PCDHA1: variants seen among roughly 807,000 people sequenced by gnomAD.
The protein encoded by PCDHA1 is protocadherin alpha-1.
In PCDHA1, 42 loss-of-function variants were observed where a neutral mutation model predicts 61.3. That is an observed-to-expected ratio of 0.69 (90% confidence interval 0.54 to 0.89). The LOEUF (loss-of-function observed/expected upper bound fraction) is 0.89. Among genes scored for constraint, PCDHA1 ranks in the 40% least tolerant of loss-of-function variants. The pLI is 0.00. For missense variants in PCDHA1, 1,256 were observed against 1,235.3 expected (o/e 1.02, Z -0.25); for synonymous variants, 610 against 553.8 (o/e 1.10, Z -1.43).
At chr5:140,851,909 A>G in intron 1 of PCDHA1, 1 of 970,994 alleles carries the variant, frequency 1.0e-6, no homozygotes, top group Non-Finnish European at 1.2e-6. Context: ...CTTTAATGTC[A>G]CTACATGTTA....
intron 1 of PCDHA1, chr5:140,801,795 T>A: frequency 1.2e-6 from 2 of 1,613,922 alleles, no homozygotes; most frequent in Non-Finnish European, 1.7e-6. Context: ...GAAAAAAAAT[T>A]TAAATCGAGA....
intron 3 of PCDHA1, among the ~76,000 whole-genome samples, chr5:140,984,282 C>T (rs543279467): frequency 6.6e-6 from 1 of 152,296 alleles, no homozygotes; most frequent in Admixed American, 6.5e-5. Flanking sequence ...ATACATTCTC[C>T]CTCCCATTGG....
chr5:140,957,968 T>C (rs1276763203), intron 1 of PCDHA1, among the ~76,000 whole-genome samples: 1 of 152,154 alleles, frequency 6.6e-6, no homozygotes, highest in Non-Finnish European at 1.5e-5. Flanking sequence ...TCAGAGATGC[T>C]GTATAAATAG....
intron 1 of PCDHA1, chr5:140,881,384 G>T (rs1299609025): frequency 2.0e-6 from 2 of 984,186 alleles, no homozygotes; most frequent in Non-Finnish European, 2.4e-6. Flanking sequence ...GCCGGCGGCG[G>T]TAAGTTAAAT....
intron 3 of PCDHA1, among the ~76,000 whole-genome samples, chr5:140,989,687 G>A (rs956131200): frequency 2.0e-4 from 31 of 152,176 alleles, no homozygotes; most frequent in African/African-American, 6.3e-4. Flanking sequence ...TCAAAGGAAC[G>A]TGAAAATTTT....
At chr5:140,987,893 G>A (rs571929057) in intron 3 of PCDHA1, among the ~76,000 whole-genome samples, 82 of 152,138 alleles carry the variant, frequency 5.4e-4, no homozygotes, top group Admixed American at 1.5e-3. Context: ...ATGTGCCCTA[G>A]TTTTATATGG....
At chr5:140,793,194 AT>A (rs1761755469) in intron 1 of PCDHA1, among the ~76,000 whole-genome samples, 1 of 152,230 alleles carries the variant, frequency 6.6e-6, no homozygotes, top group Admixed American at 6.5e-5. Context: ...TTGCCAGCAG[AT>A]GGGAAAAGTC....
intron 1 of PCDHA1, among the ~76,000 whole-genome samples, chr5:140,897,323 T>TCCCTCCC (rs2065998893): frequency 1.7e-5 from 2 of 114,654 alleles, no homozygotes; most frequent in South Asian, 6.8e-4. Flanking sequence ...CCTAAAGCTA[T>TCCCTCCC]CCCTCCCCCC....
At chr5:140,881,244 C>T (rs1219638908) in intron 1 of PCDHA1, 9 of 397,012 alleles carry the variant, frequency 2.3e-5, no homozygotes, top group Non-Finnish European at 3.1e-5. Context: ...ATTTAAATGA[C>T]GGCAAGGTTT....
intron 1 of PCDHA1, among the ~76,000 whole-genome samples, chr5:140,897,068 T>A (rs2153455202): frequency 6.6e-6 from 1 of 152,252 alleles, no homozygotes; most frequent in East Asian, 1.9e-4. Context: ...CTATGTCTTA[T>A]TCATTTTTTC....
chr5:140,871,492 C>G (rs782396000), intron 1 of PCDHA1: 1 of 1,589,508 alleles, frequency 6.3e-7, no homozygotes, highest in Admixed American at 1.8e-5. Context: ...TCACCCCGGA[C>G]AGGTGAGTTT....
At chr5:140,796,955 C>G (rs1554120220) in intron 1 of PCDHA1, 1 of 1,613,830 alleles carries the variant, frequency 6.2e-7, no homozygotes, top group Non-Finnish European at 8.5e-7. Flanking sequence ...GCCACGGCCA[C>G]CGTGTTAGTG....
At chr5:140,853,465 C>A in intron 1 of PCDHA1, 2 of 970,762 alleles carry the variant, frequency 2.1e-6, no homozygotes, top group Non-Finnish European at 2.5e-6. Context: ...TTATATGCAT[C>A]TGTAGTTAAC....
At chr5:140,945,440 T>C (rs932464631) in intron 1 of PCDHA1, among the ~76,000 whole-genome samples, 1 of 151,948 alleles carries the variant, frequency 6.6e-6, no homozygotes, top group African/African-American at 2.4e-5. Context: ...TACAGAAATA[T>C]AAAAAACTTC....
At chr5:140,990,176 T>G (rs1294066255) in intron 3 of PCDHA1, among the ~76,000 whole-genome samples, 1 of 152,142 alleles carries the variant, frequency 6.6e-6, no homozygotes, top group Non-Finnish European at 1.5e-5. Context: ...AAAAGGTGAC[T>G]TTTAAGAACC....
chr5:140,882,319 G>T, intron 1 of PCDHA1: 3 of 1,614,136 alleles, frequency 1.9e-6, no homozygotes, highest in Non-Finnish European at 2.5e-6. Flanking sequence ...TACTGCTCTG[G>T]CTTCTGATCC....
intron 1 of PCDHA1, among the ~76,000 whole-genome samples, chr5:140,937,290 G>C (rs890693007): frequency 3.3e-5 from 5 of 152,076 alleles, no homozygotes; most frequent in Non-Finnish European, 7.4e-5. Flanking sequence ...ACCCGCTTCG[G>C]CCTCCCAAAG....
At chr5:140,805,124 C>T (rs1554123277) in intron 1 of PCDHA1, 1 of 1,583,798 alleles carries the variant, frequency 6.3e-7, no homozygotes, top group East Asian at 2.2e-5. Context: ...AGACTCTTGG[C>T]AAAGACATTT....
At chr5:140,950,559 T>TAA (rs1381352344) in intron 1 of PCDHA1, among the ~76,000 whole-genome samples, 1 of 152,076 alleles carries the variant, frequency 6.6e-6, no homozygotes, top group African/African-American at 2.4e-5. Flanking sequence ...GGGGGACACT[T>TAA]ATTTTAAGGT....
Sources: gnomAD v4.1 joint callset for allele counts (sites outside exome capture counted in the v4.1 genomes callset) on GRCh38, gnomAD v4.1.1 for gene constraint, MANE v1.5 for transcripts, NCBI Gene and HGNC (gene_info 2026-07-23, HGNC 2026-07-21) for gene names.